The following RABGAP1L variants were observed in gnomAD, a reference collection of about 807,000 sequenced individuals.
RABGAP1L encodes RAB GTPase activating protein 1 like, also known as rab GTPase-activating protein 1-like.
A neutral mutation model predicts 137.7 loss-of-function variants in RABGAP1L; 63 were observed. The ratio of observed to expected loss-of-function variants is 0.46; its 90% CI spans 0.37 to 0.56. The LOEUF is 0.56. Among genes scored for constraint, RABGAP1L ranks in the 20% least tolerant of loss-of-function variants. RABGAP1L has a pLI of 0.00. For missense variants in RABGAP1L, 1,095 were observed against 1,244.0 expected (o/e 0.88, Z 1.80); for synonymous variants, 431 against 433.7 (o/e 0.99, Z 0.08).
chr1:174,280,048 G>GGAGAGAGAGAGAGAGAGAGAGAGA (rs59262212), intron 10 of RABGAP1L, among the ~76,000 whole-genome samples: 30 of 125,298 alleles, frequency 2.4e-4, no homozygotes, highest in African/African-American at 8.6e-4. Context: ...CTGTCTGCCT[G>GGAGAGAGAGAGAGAGAGAGAGAGA]GAGAGAGAGA....
intron 13 of RABGAP1L, among the ~76,000 whole-genome samples, chr1:174,557,235 A>G (rs543352547): frequency 6.6e-6 from 1 of 152,328 alleles, no homozygotes; most frequent in African/African-American, 2.4e-5. Context: ...GGACTATGGC[A>G]GGTCTAATAT....
At chr1:174,619,618 C>T (rs1353458666) in intron 13 of RABGAP1L, among the ~76,000 whole-genome samples, 2 of 152,132 alleles carry the variant, frequency 1.3e-5, no homozygotes, top group Non-Finnish European at 2.9e-5. Context: ...CAGGCCTGCC[C>T]TAAAAGAGCT....
chr1:174,741,045 G>GT lies in RABGAP1L; in HGVS notation c.2170-11255dup, dbSNP rs60884941. 7.5e-3 allele frequency among the ~76,000 whole-genome samples: 904 copies of GT among 119,874 alleles called. 7 individuals carry two copies. The highest frequency in any genetic ancestry group is 0.019 in the Middle Eastern group (4 of 212). The allele number at this position is 119,874 out of a possible 152,430, so 78.6% of individuals were successfully genotyped here. ...TTCACTCTGTTGATTTTTTTGTTTT[G>GT]TTTTTTTTTTTTTGTGTGTGGGAGC... On this transcript the variant is annotated intron_variant, in intron 17 of 25. Coordinates refer to ENST00000681986, the MANE Select transcript of RABGAP1L (RefSeq NM_001366446.1).
intron 1 of RABGAP1L, 63 bp from the exon 2 acceptor site, chr1:174,219,061 GT>G: frequency 8.1e-7 from 1 of 1,227,676 alleles, no homozygotes; most frequent in Non-Finnish European, 1.1e-6. Context: ...ATTAGTTCAT[GT>G]TTTTAATTAG....
At chr1:174,796,979 C>A (rs1688288038) in intron 18 of RABGAP1L, among the ~76,000 whole-genome samples, 1 of 149,294 alleles carries the variant, frequency 6.7e-6, no homozygotes, top group Admixed American at 6.8e-5. Context: ...TGCATTCCAG[C>A]CTGGGCAACA....
At chr1:174,402,509 G>A (rs1437083810) in intron 13 of RABGAP1L, among the ~76,000 whole-genome samples, 3 of 152,110 alleles carry the variant, frequency 2.0e-5, no homozygotes, top group African/African-American at 4.8e-5. Flanking sequence ...CTAACTTCAA[G>A]TCATCTCTTT....
chr1:174,585,309 A>G (rs1018107368), intron 13 of RABGAP1L, among the ~76,000 whole-genome samples: 1 of 152,106 alleles, frequency 6.6e-6, no homozygotes, highest in African/African-American at 2.4e-5. Flanking sequence ...CTCATTATCT[A>G]ATTTTAGGAC....
At chr1:174,902,710 A>C (rs1354480725) in intron 19 of RABGAP1L, among the ~76,000 whole-genome samples, 1 of 152,136 alleles carries the variant, frequency 6.6e-6, no homozygotes, top group Non-Finnish European at 1.5e-5. Context: ...TTGCACAATC[A>C]CTGTTTCCCT....
intron 13 of RABGAP1L, among the ~76,000 whole-genome samples, chr1:174,586,632 T>C (rs1312684995): frequency 3.9e-5 from 6 of 152,158 alleles, no homozygotes; most frequent in African/African-American, 1.2e-4. Flanking sequence ...AGTTTTACTC[T>C]CATTGCCCAG....
chr1:174,308,365 G>A (rs1553270730), intron 11 of RABGAP1L, among the ~76,000 whole-genome samples: 1 of 151,728 alleles, frequency 6.6e-6, no homozygotes, highest in Non-Finnish European at 1.5e-5. Context: ...CCTTTGTTTT[G>A]CAGATGTTTT....
chr1:174,513,736 T>C (rs1234552418), intron 13 of RABGAP1L, among the ~76,000 whole-genome samples: 1 of 152,242 alleles, frequency 6.6e-6, no homozygotes, highest in African/African-American at 2.4e-5. Context: ...AACAAATGCT[T>C]TTCCAGCTTA....
intron 10 of RABGAP1L, among the ~76,000 whole-genome samples, chr1:174,284,584 C>A (rs531221368): frequency 4.6e-5 from 7 of 152,164 alleles, no homozygotes. Flanking sequence ...CAGATATATA[C>A]CCAGCAGTGT....
intron 12 of RABGAP1L, among the ~76,000 whole-genome samples, chr1:174,392,955 A>G (rs1012011156): frequency 6.6e-6 from 1 of 152,244 alleles, no homozygotes; most frequent in African/African-American, 2.4e-5. Flanking sequence ...GCAAAAAGGC[A>G]TAGAATATAG....
Position 174,993,710 on chromosome 1 carries a change from C to CT in RABGAP1L, c.*3712dup, listed in dbSNP as rs894466440. ...GGTACCTGCCTGATTAGGGGGGCCC[C>CT]TTTAAGGGAAAAAACTTTTAAAAAA... On this transcript the variant is annotated 3_prime_UTR_variant, in exon 26 of 26. Coordinates refer to ENST00000681986, the MANE Select transcript of RABGAP1L (RefSeq NM_001366446.1). 4.6e-5 allele frequency: 7 copies of CT among 152,174 alleles called. No homozygotes were observed. Among genetic ancestry groups the CT allele is most frequent in the Non-Finnish European group, 7.3e-5 (5 of 68,044 alleles). The allele number at this position is 152,174 out of a possible 1,614,324, so 9.4% of individuals were successfully genotyped here. A position where few individuals can be genotyped will look rare whatever the true frequency, so the allele number is the denominator to read the frequency against.
At chr1:174,214,473 A>T (rs530886725) in intron 1 of RABGAP1L, among the ~76,000 whole-genome samples, 1 of 152,352 alleles carries the variant, frequency 6.6e-6, no homozygotes, top group Non-Finnish European at 1.5e-5. Context: ...CTTCACAGAA[A>T]TAGAAAAAAA....
intron 5 of RABGAP1L, among the ~76,000 whole-genome samples, chr1:174,242,440 T>C (rs1309690545): frequency 6.6e-6 from 1 of 152,250 alleles, no homozygotes; most frequent in Non-Finnish European, 1.5e-5. Context: ...CAGGTATGTT[T>C]GCTTGTGACA....
intron 15 of RABGAP1L, among the ~76,000 whole-genome samples, chr1:174,689,157 A>G (rs1375371227): frequency 1.3e-5 from 2 of 151,968 alleles, no homozygotes; most frequent in African/African-American, 2.4e-5. Context: ...TGTTTGTTGT[A>G]TTTCAGAGTA....
Position 174,406,939 on chromosome 1 carries a change from A to G in RABGAP1L, c.1710+12794A>G, listed in dbSNP as rs77790667. The stretch of plus-strand genomic sequence containing the variant: ...CTCATATTTTCAAGAGCCTGGGATT[A>G]CACTCCTGTATTCCAATTTCATAAT... On this transcript the variant is annotated intron_variant, in intron 13 of 25. Coordinates refer to ENST00000681986, the MANE Select transcript of RABGAP1L (RefSeq NM_001366446.1). Among the ~76,000 whole-genome samples the G allele has an allele frequency of 7.1e-4, 108 of 152,318 alleles. 1 individual carries two copies. The East Asian group carries it at 0.019, about 27-fold the overall frequency.
chr1:174,836,822 C>T (rs1692800729), intron 19 of RABGAP1L, among the ~76,000 whole-genome samples: 1 of 152,188 alleles, frequency 6.6e-6, no homozygotes, highest in Admixed American at 6.5e-5. Context: ...CAGCATGATT[C>T]CTGGCAAAAT....
Sources: gnomAD v4.1 joint callset for allele counts (sites outside exome capture counted in the v4.1 genomes callset) on GRCh38, gnomAD v4.1.1 for gene constraint, MANE v1.5 for transcripts, NCBI Gene and HGNC (gene_info 2026-07-23, HGNC 2026-07-21) for gene names.